CLPTM1L: variants seen among roughly 807,000 people sequenced by gnomAD.
The protein encoded by CLPTM1L is lipid scramblase CLPTM1L.
A neutral mutation model predicts 70.9 loss-of-function variants in CLPTM1L; 38 were observed. That is an observed-to-expected ratio of 0.54 (90% CI 0.41 to 0.70). The LOEUF (loss-of-function observed/expected upper bound fraction) is 0.70. Among genes scored for constraint, CLPTM1L ranks in the 30% least tolerant of loss-of-function variants. The pLI is 0.00. For synonymous variants in CLPTM1L, 339 were observed against 299.9 expected (o/e 1.13, Z -1.35); for missense variants, 652 against 705.9 (o/e 0.92, Z 0.87).
chr5:1,334,060 G>T (rs536690100), intron 7 of CLPTM1L, among the ~76,000 whole-genome samples: 1 of 152,260 alleles, frequency 6.6e-6, no homozygotes, highest in Admixed American at 6.5e-5. Context: ...CGCCAAGGCT[G>T]TGGACGGAGC....
Position 1,323,882 on chromosome 5 carries a change from A to G in CLPTM1L, c.1198-13T>C. 1.9e-6 allele frequency: 3 copies of G among 1,607,362 alleles called. 1 individual carries two copies. The South Asian group carries it at 3.3e-5, about 18-fold the overall frequency. ...AGTACTTCATGGCCTGCAGGGAACA[A>G]AGATGGCTTCCAGTTAGAGGCCCAA... On this transcript the variant is annotated splice_polypyrimidine_tract_variant and intron_variant, in intron 11 of 16. Coordinates refer to ENST00000320895, the MANE Select transcript of CLPTM1L (RefSeq NM_030782.5).
In CLPTM1L at chr5:1,342,218, C is replaced by G. The variant is rs1753995557; in HGVS notation, c.264-358G>C. ...CAGCTTCTGGGCCTGGCCAGGGTAC[C>G]AGCTGACCACACACACTGAATCACC... On this transcript the variant is annotated intron_variant, in intron 2 of 16. Transcript: ENST00000320895. The surrounding 1 kb of genome is among the most constrained non-coding windows in gnomAD (Gnocchi z 4.3). 6.6e-6 allele frequency among the ~76,000 whole-genome samples: 1 copy of G among 152,150 alleles called. No homozygotes were observed. Among genetic ancestry groups the G allele is most frequent in the African/African-American group, 2.4e-5 (1 of 41,446 alleles).
chr5:1,320,822 G>A lies in CLPTM1L; in HGVS notation c.1417-91C>T, dbSNP rs1008519242. The A allele has an allele frequency of 3.9e-5, 26 of 661,448 alleles. No individual in the cohort carries two copies. The African/African-American group carries it at 4.1e-4, about 10-fold the overall frequency. The allele number at this position is 661,448 out of a possible 1,614,324, so 41.0% of individuals were successfully genotyped here. A position where few individuals can be genotyped will look rare whatever the true frequency, so the allele number is the denominator to read the frequency against. On this transcript the variant is annotated intron_variant, in intron 15 of 16. Coordinates refer to ENST00000320895, the MANE Select transcript of CLPTM1L (RefSeq NM_030782.5). ...AACCTAACCAAGCCAACGGCTTTTG[G>A]CAGATGCTTGGAACTAACTGGAACT... is the stretch of plus-strand genomic sequence containing the variant.
intron 2 of CLPTM1L, among the ~76,000 whole-genome samples, chr5:1,343,452 T>C (rs1754074609): frequency 6.6e-6 from 1 of 152,234 alleles, no homozygotes; most frequent in Non-Finnish European, 1.5e-5. Flanking sequence ...CTAGCTGTCC[T>C]TGGTAACTGG....
chr5:1,327,132 A>G (rs1245600493), intron 9 of CLPTM1L, among the ~76,000 whole-genome samples: 3 of 150,070 alleles, frequency 2.0e-5, no homozygotes, highest in Non-Finnish European at 4.4e-5. Context: ...CTCCTCCTCT[A>G]CAGACACATT....
intron 13 of CLPTM1L, among the ~76,000 whole-genome samples, chr5:1,322,221 C>G (rs1046701541): frequency 1.3e-5 from 2 of 152,220 alleles, no homozygotes; most frequent in East Asian, 3.8e-4. Context: ...CTGCACCAGA[C>G]AGGCCCTCGC....
At chr5:1,326,157 G>A (rs1752523090) in intron 9 of CLPTM1L, 1 of 332,784 alleles carries the variant, frequency 3.0e-6, no homozygotes, top group African/African-American at 2.1e-5. Context: ...AGCCAGTTTT[G>A]GGACCGCTCT....
At chr5:1,332,949 T>A (rs867364140) in intron 7 of CLPTM1L, among the ~76,000 whole-genome samples, 3 of 137,322 alleles carry the variant, frequency 2.2e-5, no homozygotes, top group Admixed American at 1.4e-4. Context: ...CTACTGTATA[T>A]ACACTGGATG....
intron 5 of CLPTM1L, among the ~76,000 whole-genome samples, chr5:1,336,949 C>G (rs1294781908): frequency 6.6e-6 from 1 of 152,208 alleles, no homozygotes; most frequent in Non-Finnish European, 1.5e-5. Flanking sequence ...AGCTGCACCC[C>G]CCCGCTAGCA....
At chr5:1,337,651 CA>C (rs1753661876) in intron 5 of CLPTM1L, among the ~76,000 whole-genome samples, 1 of 152,242 alleles carries the variant, frequency 6.6e-6, no homozygotes, top group Non-Finnish European at 1.5e-5. Flanking sequence ...AACAATCTTC[CA>C]GGGGCCTTTC....
At chr5:1,328,468 G>T (rs1162392457) in intron 9 of CLPTM1L, among the ~76,000 whole-genome samples, 3 of 58,930 alleles carry the variant, frequency 5.1e-5, no homozygotes, top group South Asian at 6.2e-4. Flanking sequence ...CTCCTCCTCT[G>T]CAGACACATT....
intron 6 of CLPTM1L, 121 bp downstream of exon 6, chr5:1,334,936 G>A (rs1753467675): frequency 1.8e-5 from 12 of 662,448 alleles, no homozygotes; most frequent in South Asian, 1.3e-4. Context: ...CTGATTCAAC[G>A]TCTGTGCAAG....
intron 7 of CLPTM1L, among the ~76,000 whole-genome samples, chr5:1,332,561 A>T (rs373336730): frequency 5.8e-4 from 88 of 152,346 alleles, no homozygotes; most frequent in African/African-American, 2.0e-3. Context: ...CCAGCCTAAC[A>T]GCCACAAGGA....
At chr5:1,325,711 C>G (rs1752485971) in intron 10 of CLPTM1L, 40 bp downstream of exon 10, 1 of 1,570,824 alleles carries the variant, frequency 6.4e-7, no homozygotes, top group Non-Finnish European at 8.8e-7. Context: ...TCACACTCTT[C>G]AGAGAGGCTT....
At chr5:1,340,904 T>C (rs1369031231) in intron 3 of CLPTM1L, among the ~76,000 whole-genome samples, 4 of 152,218 alleles carry the variant, frequency 2.6e-5, no homozygotes, top group Non-Finnish European at 5.9e-5. Flanking sequence ...TAGCTGGGAT[T>C]ACAGGCGCGT....
Position 1,318,497 on chromosome 5 carries a change from G to A in CLPTM1L, c.1533-44C>T, listed in dbSNP as rs1288532831. On this transcript the variant is annotated intron_variant, in intron 16 of 16. Coordinates refer to ENST00000320895, the MANE Select transcript of CLPTM1L (RefSeq NM_030782.5). This position sits in a 1 kb window ranked among gnomAD's most constrained non-coding sequence, Gnocchi z 8.9. Reference sequence around the variant, plus strand: ...GCACATCAGCAAACCCCACTGCAGGGGCTATTTTTCTAAGAGGAGGACTTG... The same window carrying A: ...GCACATCAGCAAACCCCACTGCAGGAGCTATTTTTCTAAGAGGAGGACTTG... The A allele has an allele frequency of 1.3e-6, 2 of 1,505,838 alleles. No homozygotes were observed. Among genetic ancestry groups the A allele is most frequent in the South Asian group, 1.1e-5 (1 of 87,156 alleles). 93.3% of individuals were successfully genotyped at this position (1,505,838 alleles called of 1,614,324 possible).
At position 1,324,802 on chromosome 5, in the gene CLPTM1L, G is replaced by T. The variant is rs954719863; in HGVS notation, c.1158C>A (p.Tyr386Ter). The change falls in exon 11 of 17, where the codon TAC (tyrosine) becomes TAA (stop). Residue 386 changes from tyrosine to a stop codon, truncating the protein, a stop_gained. Coordinates refer to ENST00000320895, the MANE Select transcript of CLPTM1L (RefSeq NM_030782.5). LOFTEE classifies it high-confidence loss of function. Reference protein sequence around the residue: ...GLMPEFQFGTYSESERKTEEY... With the variant: ...GLMPEFQFGT ...CCTCGGTTTTCCTCTCAGATTCGCT[G>T]TAAGTGCCAAACTGTTGTGAAATTC... 6.2e-7 allele frequency: 1 copy of T among 1,614,054 alleles called. No individual in the cohort carries two copies. The highest frequency in any genetic ancestry group is 8.5e-7 in the Non-Finnish European group (1 of 1,179,902).
Position 1,320,729 on chromosome 5 carries a change from A to C in CLPTM1L, c.1419T>G (p.Ala473=). The C allele has an allele frequency of 6.5e-7, 1 of 1,533,790 alleles. No individual in the cohort carries two copies. The highest frequency in any genetic ancestry group is 8.8e-7 in the Non-Finnish European group (1 of 1,132,896). ...HLPWKAFTYK[A]FNTFIDDVFA... ...AGACGTCATCAATGAAGGTGTTGAA[A>C]GCCTGCAGGGCCAGACGGGAGGAGG... The change falls in exon 16 of 17, where the codon GCT becomes GCG. Residue 473 remains alanine (A), a splice_region_variant and synonymous_variant. Coordinates refer to ENST00000320895, the MANE Select transcript of CLPTM1L (RefSeq NM_030782.5).
chr5:1,330,735 T>C (rs1000780123), intron 8 of CLPTM1L: 33 of 236,390 alleles, frequency 1.4e-4, no homozygotes, highest in African/African-American at 7.3e-4. Flanking sequence ...TGCGTGGCTT[T>C]TCAAGTCTGG....
Sources: allele counts gnomAD v4.1 joint callset (sites outside exome capture counted in the v4.1 genomes callset), GRCh38; gene constraint gnomAD v4.1.1; non-coding constraint Gnocchi (gnomAD v3.1); transcripts MANE v1.5; gene names NCBI Gene and HGNC (gene_info 2026-07-23, HGNC 2026-07-21).